Variants in ASXL1 observed in about 807,000 individuals in gnomAD.
ASXL1 encodes the protein polycomb group protein ASXL1.
A neutral mutation model predicts 89.1 loss-of-function variants in ASXL1; 65 were observed. That is an observed-to-expected ratio of 0.73 (90% CI 0.60 to 0.90). The LOEUF is 0.90. Ranked by LOEUF, ASXL1 falls within the 40% of genes least tolerant of loss-of-function variation. ASXL1 has a pLI of 0.00. For synonymous variants in ASXL1, 739 were observed against 746.9 expected, an observed-to-expected ratio of 0.99 and a Z score of 0.17; for missense variants, 1,786 against 1,942.9, an observed-to-expected ratio of 0.92 and a Z score of 1.52.
At chr20:32,404,436 C>G (rs1347226609) in intron 4 of ASXL1, among the ~76,000 whole-genome samples, 1 of 151,968 alleles carries the variant, frequency 6.6e-6, no homozygotes, top group Admixed American at 6.6e-5. Flanking sequence ...ATTTTTGTTT[C>G]TAATTGCTGA....
rs1177815042 is a variant in ASXL1 at position 32,426,554 on chromosome 20, CTTTTTTTT to C, written c.253-1557_253-1550del. 4.8e-4 allele frequency among the ~76,000 whole-genome samples: 40 copies of C among 83,954 alleles called. 1 individual carries two copies. In the East Asian group the frequency reaches 0.024, roughly 50 times the overall value. 55.1% of individuals were successfully genotyped at this position (83,954 alleles called of 152,430 possible). A position where few individuals can be genotyped will look rare whatever the true frequency, so the allele number is the denominator to read the frequency against. On this transcript the variant is annotated intron_variant, in intron 4 of 12. Coordinates refer to ENST00000375687, the MANE Select transcript of ASXL1 (RefSeq NM_015338.6). Reference sequence around the variant, plus strand: ...GAAAACTGTTTTCTTTTTTTTCTTTCTTTTTTTTTTTTTTTTTTTTTTTTGAGATGGAG... The same window carrying C: ...GAAAACTGTTTTCTTTTTTTTCTTTCTTTTTTTTTTTTTTTTGAGATGGAG...
At chr20:32,376,651 T>C (rs1438953450) in intron 4 of ASXL1, among the ~76,000 whole-genome samples, 1 of 151,946 alleles carries the variant, frequency 6.6e-6, no homozygotes, top group Admixed American at 6.6e-5. Context: ...TCTTTTGGCA[T>C]TTTCTTTGCC....
At chr20:32,404,898 T>C (rs934698736) in intron 4 of ASXL1, among the ~76,000 whole-genome samples, 1 of 152,226 alleles carries the variant, frequency 6.6e-6, no homozygotes, top group Non-Finnish European at 1.5e-5. Context: ...ATAATTATGC[T>C]TTCTTTTCAC....
intron 4 of ASXL1, among the ~76,000 whole-genome samples, chr20:32,379,596 T>C (rs1160004187): frequency 6.7e-6 from 1 of 148,840 alleles, no homozygotes; most frequent in Admixed American, 6.7e-5. Context: ...GAGGCTGAGG[T>C]GTGTGGATCA....
In ASXL1 at chr20:32,432,932, A is replaced by G. The variant is rs1355942266; in HGVS notation, c.1032A>G (p.Glu344=). ...QVRIRQEMEK[E]KKVEQWKEKF... is the part of the protein sequence containing the mutation. ...GGATACGACAGGAAATGGAGAAGGAAAAGAAGGTGGAACAATGGAAAGAAA... is the reference window on the plus strand; with the variant it reads ...GGATACGACAGGAAATGGAGAAGGAGAAGAAGGTGGAACAATGGAAAGAAA... The change falls in exon 11 of 13, where the codon GAA becomes GAG. Residue 344 remains glutamate (E), a synonymous_variant. Coordinates refer to ENST00000375687, the MANE Select transcript of ASXL1 (RefSeq NM_015338.6). The G allele has an allele frequency of 6.2e-7, 1 of 1,613,946 alleles. No individual in the cohort carries two copies. The highest frequency in any genetic ancestry group is 8.5e-7 in the Non-Finnish European group (1 of 1,180,028).
At position 32,434,765 on chromosome 20, in the gene ASXL1, G is replaced by A. The variant is rs369152088; in HGVS notation, c.2053G>A (p.Gly685Arg). Residue 685 changes from glycine (G) to arginine (R), a missense_variant, in exon 13 of 13, where the codon GGA becomes AGA. By Grantham distance (125) the Gly-to-Arg change is moderately radical. This residue lies in a region of ASXL1 where 1,418 missense variants were observed against 1,427.8 expected (regional missense o/e 0.99). Transcript: ENST00000375687. The part of the protein sequence containing the change: ...PEPRGGPSTP[G>R]KCTSDLQRTQ... ...GCCCAGGGGAGGCCCGAGCACCCCTGGAAAGTGTACGTCAGATCTACAGCG... is the reference window on the plus strand; with the variant it reads ...GCCCAGGGGAGGCCCGAGCACCCCTAGAAAGTGTACGTCAGATCTACAGCG... The A allele has an allele frequency of 1.1e-5, 17 of 1,613,596 alleles. No individual in the cohort carries two copies. The highest frequency in any genetic ancestry group is 6.7e-5 in the African/African-American group (5 of 74,884).
chr20:32,372,885 G>A (rs139955618), intron 4 of ASXL1, among the ~76,000 whole-genome samples: 200 of 150,762 alleles, frequency 1.3e-3, no homozygotes, highest in Admixed American at 2.5e-3. Context: ...GAGCCACCGC[G>A]CCCAGCCTTC....
chr20:32,413,945 G>A (rs1267272326), intron 4 of ASXL1, among the ~76,000 whole-genome samples: 1 of 152,176 alleles, frequency 6.6e-6, no homozygotes, highest in East Asian at 1.9e-4. Context: ...GGCCTTACAT[G>A]TCTTTATTCT....
At chr20:32,400,803 T>C (rs2048859925) in intron 4 of ASXL1, among the ~76,000 whole-genome samples, 1 of 152,256 alleles carries the variant, frequency 6.6e-6, no homozygotes, top group Admixed American at 6.5e-5. Flanking sequence ...CAGGAAACTC[T>C]CTTCAGGCAC....
At chr20:32,420,586 C>T (rs542619077) in intron 4 of ASXL1, among the ~76,000 whole-genome samples, 20 of 152,160 alleles carry the variant, frequency 1.3e-4, no homozygotes, top group African/African-American at 3.6e-4. Flanking sequence ...AATAGATGAA[C>T]GTGAGTAAAA....
chr20:32,423,482 C>T (rs1231482592), intron 4 of ASXL1, among the ~76,000 whole-genome samples: 1 of 151,132 alleles, frequency 6.6e-6, no homozygotes, highest in Non-Finnish European at 1.5e-5. Flanking sequence ...TCAGGTGGTC[C>T]CCCCATCTCG....
chr20:32,358,897 C>A (rs1472933091), intron 1 of ASXL1, 65 bp downstream of exon 1: 34 of 1,414,460 alleles, frequency 2.4e-5, no homozygotes, highest in Non-Finnish European at 3.1e-5. Context: ...CGCGCACCCC[C>A]CCACTGGGGG....
At chr20:32,367,154 G>C (rs1200798886) in intron 2 of ASXL1, among the ~76,000 whole-genome samples, 1 of 151,364 alleles carries the variant, frequency 6.6e-6, no homozygotes, top group African/African-American at 2.4e-5. Context: ...AAGGCAGGCA[G>C]ATCACTTAGG....
chr20:32,436,622 C>A lies in ASXL1; in HGVS notation c.3910C>A (p.Leu1304Ile), dbSNP rs747267907. ...QSNVTGQGKK[L>I]FGSGNVAATL... ...CAATGTTACAGGCCAAGGGAAGAAG[C>A]TTTTTGGCTCTGGGAATGTGGCTGC... is the stretch of plus-strand genomic sequence containing the variant. Residue 1304 changes from leucine (L) to isoleucine (I), a missense_variant, in exon 13 of 13, where the codon CTT becomes ATT. Physicochemically the swap from Leu to Ile is conservative, Grantham distance 5. Transcript: ENST00000375687. The A allele has an allele frequency of 5.0e-6, 8 of 1,614,030 alleles. No homozygotes were observed. The African/African-American group carries it at 9.3e-5, about 19-fold the overall frequency.
intron 4 of ASXL1, among the ~76,000 whole-genome samples, chr20:32,385,236 G>A (rs1425355227): frequency 1.3e-5 from 2 of 152,206 alleles, no homozygotes; most frequent in Non-Finnish European, 2.9e-5. Flanking sequence ...AATTGCCTGT[G>A]AGAGTTTAAG....
intron 1 of ASXL1, among the ~76,000 whole-genome samples, chr20:32,362,757 T>C (rs974339944): frequency 1.3e-5 from 2 of 152,268 alleles, no homozygotes; most frequent in African/African-American, 2.4e-5. Flanking sequence ...TTAATTATGC[T>C]GTTGAAAAAT....
At chr20:32,431,291 G>A in intron 8 of ASXL1, 30 bp from the exon 9 acceptor site, 2 of 1,614,158 alleles carry the variant, frequency 1.2e-6, no homozygotes, top group Non-Finnish European at 1.7e-6. Context: ...TTAAAAAGCT[G>A]AAATCTATAC....
At chr20:32,368,979 T>TAG in intron 3 of ASXL1, 36 bp from the exon 4 acceptor site, 1 of 1,532,414 alleles carries the variant, frequency 6.5e-7, no homozygotes, top group African/African-American at 1.4e-5. Flanking sequence ...GCAGATGGAT[T>TAG]GTATAACCCT....
At position 32,436,684 on chromosome 20, in the gene ASXL1, T is replaced by C. The variant is rs764579032; in HGVS notation, c.3972T>C (p.Pro1324=). 3 of 1,613,908 alleles carry C rather than the reference T, an allele frequency of 1.9e-6. No homozygotes were observed. The highest frequency in any genetic ancestry group is 2.7e-5 in the African/African-American group (2 of 74,940). The change falls in exon 13 of 13, where the codon CCT becomes CCC. Residue 1324 remains proline (P), a synonymous_variant. Coordinates refer to ENST00000375687, the MANE Select transcript of ASXL1 (RefSeq NM_015338.6). ...GCCCCAGGCCTGCGGACCCGATGCCTCTTCCTGCTGAGATCCCTCCAGTTT... is the reference window on the plus strand; with the variant it reads ...GCCCCAGGCCTGCGGACCCGATGCCCCTTCCTGCTGAGATCCCTCCAGTTT... ...LQRPRPADPM[P]LPAEIPPVFP...
Sources: gnomAD v4.1 joint callset for allele counts (sites outside exome capture counted in the v4.1 genomes callset) on GRCh38, gnomAD v4.1.1 for gene constraint, gnomAD v4.1.1 regional missense constraint, MANE v1.5 for transcripts, NCBI Gene and HGNC (gene_info 2026-07-23, HGNC 2026-07-21) for gene names.